Variants in GARRE1 observed in about 807,000 individuals in gnomAD.
GARRE1 encodes the protein granule associated Rac and RHOG effector 1.
Under a neutral mutation model 103.2 loss-of-function variants are expected in GARRE1, and 49 were observed. The ratio of observed to expected loss-of-function variants is 0.47; its 90% CI spans 0.38 to 0.60. The LOEUF is 0.60. Among genes scored for constraint, GARRE1 ranks in the 20% least tolerant of loss-of-function variants. The pLI is 0.00. For missense variants in GARRE1, 1,199 were observed against 1,370.5 expected, an observed-to-expected ratio of 0.87 and a Z score of 1.98; for synonymous variants, 505 against 532.8, an observed-to-expected ratio of 0.95 and a Z score of 0.72.
At chr19:34,330,063 C>T (rs893381392) in intron 6 of GARRE1, 126 bp from the exon 7 acceptor site, 8 of 873,174 alleles carry the variant, frequency 9.2e-6, no homozygotes, top group African/African-American at 5.1e-5. Flanking sequence ...GCAGCTTGGA[C>T]GATAGAAAAA....
rs999783410 is a variant in GARRE1 at position 34,353,469 on chromosome 19, G to A, written c.*514G>A. 2 of 156,056 alleles carry A rather than the reference G, an allele frequency of 1.3e-5. No homozygotes were observed. The highest frequency in any genetic ancestry group is 2.8e-5 in the Non-Finnish European group (2 of 70,648). The allele number at this position is 156,056 out of a possible 1,614,324, so 9.7% of individuals were successfully genotyped here. A position where few individuals can be genotyped will look rare whatever the true frequency, so the allele number is the denominator to read the frequency against. ...AGTTAAAACATCTCCTGCCTAAAATGCATTGAATATTTTAAGATAACAGAT... is the reference window on the plus strand; with the variant it reads ...AGTTAAAACATCTCCTGCCTAAAATACATTGAATATTTTAAGATAACAGAT... On this transcript the variant is annotated 3_prime_UTR_variant, in exon 14 of 14. Coordinates refer to ENST00000299505, the MANE Select transcript of GARRE1 (RefSeq NM_014686.5).
rs151176246 is a variant in GARRE1 at position 34,352,672 on chromosome 19, C to A, written c.2930C>A (p.Pro977His). The A allele has an allele frequency of 6.2e-7, 1 of 1,610,926 alleles. No individual in the cohort carries two copies. The highest frequency in any genetic ancestry group is 8.5e-7 in the Non-Finnish European group (1 of 1,177,414). Reference sequence around the variant, plus strand: ...GATAACAAAACCAAAACGTGGCCACCCAAAGCACCCTGGCAGCACCCTTCC... The same window carrying A: ...GATAACAAAACCAAAACGTGGCCACACAAAGCACCCTGGCAGCACCCTTCC... Reference protein sequence around the residue: ...NQDNKTKTWPPKAPWQHPSPL... With the variant: ...NQDNKTKTWPHKAPWQHPSPL... Residue 977 changes from proline (P) to histidine (H), a missense_variant, in exon 14 of 14, where the codon CCC becomes CAC. By Grantham distance (77) the Pro-to-His change is moderately conservative (BLOSUM62 -2). Coordinates refer to ENST00000299505, the MANE Select transcript of GARRE1 (RefSeq NM_014686.5).
At chr19:34,266,439 GC>G (rs1356235081) in intron 1 of GARRE1, among the ~76,000 whole-genome samples, 1 of 152,180 alleles carries the variant, frequency 6.6e-6, no homozygotes, top group Non-Finnish European at 1.5e-5. Context: ...TCGGCTCACT[GC>G]AACCTCTATC....
At chr19:34,307,546 CATATATATAAA>C (rs2074012672) in intron 2 of GARRE1, among the ~76,000 whole-genome samples, 10 of 148,004 alleles carry the variant, frequency 6.8e-5, no homozygotes, top group African/African-American at 2.5e-4. Flanking sequence ...ATATGCCAGA[CATATATATAAA>C]ATATGTATTT....
At chr19:34,293,764 T>C (rs995813996) in intron 1 of GARRE1, among the ~76,000 whole-genome samples, 1 of 109,086 alleles carries the variant, frequency 9.2e-6, no homozygotes, top group African/African-American at 4.9e-5. Flanking sequence ...TTTTTTTTTT[T>C]TTTTTTTTTT....
chr19:34,301,533 AAAAAAG>A (rs2073978919), intron 2 of GARRE1, among the ~76,000 whole-genome samples: 1 of 131,986 alleles, frequency 7.6e-6, no homozygotes, highest in African/African-American at 2.6e-5. Flanking sequence ...AAAAAAAAAA[AAAAAAG>A]AAAAATTATT....
intron 1 of GARRE1, among the ~76,000 whole-genome samples, chr19:34,295,582 T>G (rs2073942909): frequency 6.6e-6 from 1 of 152,090 alleles, no homozygotes; most frequent in Non-Finnish European, 1.5e-5. Context: ...CAGGCTAGAG[T>G]GCAGTGGTGT....
intron 2 of GARRE1, among the ~76,000 whole-genome samples, chr19:34,306,563 C>T (rs1329702860): frequency 6.6e-6 from 1 of 152,150 alleles, no homozygotes; most frequent in Admixed American, 6.5e-5. Flanking sequence ...TGCCCCTTAG[C>T]CCGAGTGGTT....
At chr19:34,271,771 G>T (rs2073789471) in intron 1 of GARRE1, among the ~76,000 whole-genome samples, 1 of 151,990 alleles carries the variant, frequency 6.6e-6, no homozygotes, top group African/African-American at 2.4e-5. Context: ...GGAGGTCAAA[G>T]CTGCAGTGAG....
intron 1 of GARRE1, among the ~76,000 whole-genome samples, chr19:34,289,676 A>G (rs891198267): frequency 6.6e-6 from 1 of 151,622 alleles, no homozygotes; most frequent in African/African-American, 2.4e-5. Context: ...GTGCGCCAAG[A>G]TCATGCCACT....
intron 2 of GARRE1, among the ~76,000 whole-genome samples, chr19:34,310,394 G>A (rs926037977): frequency 6.6e-6 from 1 of 152,206 alleles, no homozygotes; most frequent in African/African-American, 2.4e-5. Context: ...CCACTGCCTC[G>A]GGCCAGTGCA....
At chr19:34,349,237 C>A in intron 12 of GARRE1, 84 bp downstream of exon 12, 1 of 1,370,286 alleles carries the variant, frequency 7.3e-7, no homozygotes, top group Non-Finnish European at 1.0e-6. Context: ...AAGCCAGGAG[C>A]CCAGTCACCT....
chr19:34,301,011 A>G (rs775380576), intron 2 of GARRE1, 43 bp downstream of exon 2: 8 of 1,545,226 alleles, frequency 5.2e-6, no homozygotes, highest in East Asian at 2.3e-5. Context: ...AAAATATACT[A>G]CAAAGGTAAG....
intron 8 of GARRE1, among the ~76,000 whole-genome samples, chr19:34,334,481 C>T (rs1192141278): frequency 2.6e-5 from 4 of 151,912 alleles, no homozygotes; most frequent in Non-Finnish European, 5.9e-5. Context: ...GGCAGATCGC[C>T]TGAGGTCAGA....
At chr19:34,264,549 C>T (rs2073739795) in intron 1 of GARRE1, among the ~76,000 whole-genome samples, 1 of 152,142 alleles carries the variant, frequency 6.6e-6, no homozygotes, top group Non-Finnish European at 1.5e-5. Flanking sequence ...CAGGTGCCCG[C>T]CACCATGCCT....
chr19:34,352,363 C>CAG lies in GARRE1; in HGVS notation c.2905-284_2905-283insAG, dbSNP rs2074242548. ...GTTGCAGTGAGCCGAGATCGTACCA[C>CAG]TGCACTCCAGCCTGGGCGAGAGACA... On this transcript the variant is annotated intron_variant, in intron 13 of 13. Coordinates refer to ENST00000299505, the MANE Select transcript of GARRE1 (RefSeq NM_014686.5). 1.5e-4 allele frequency among the ~76,000 whole-genome samples: 22 copies of CAG among 148,036 alleles called. No homozygotes were observed. In the South Asian group the frequency reaches 4.8e-3, roughly 32 times the overall value.
At position 34,327,988 on chromosome 19, in the gene GARRE1, A is replaced by G. The variant is rs2074119707; in HGVS notation, c.943-2A>G. ...CTCCTCTTCCATCCATGCCTTTTCC[A>G]GGGCTGCTGCAGCGAGGCGGAAGCC... On this transcript the variant is annotated splice_acceptor_variant, in intron 5 of 13. Coordinates refer to ENST00000299505, the MANE Select transcript of GARRE1 (RefSeq NM_014686.5). LOFTEE classifies it high-confidence loss of function. The G allele has an allele frequency of 6.2e-7, 1 of 1,614,000 alleles. No homozygotes were observed. The highest frequency in any genetic ancestry group is 1.3e-5 in the African/African-American group (1 of 74,906).
At chr19:34,316,960 C>G (rs2074062821) in intron 2 of GARRE1, among the ~76,000 whole-genome samples, 1 of 152,214 alleles carries the variant, frequency 6.6e-6, no homozygotes, top group African/African-American at 2.4e-5. Flanking sequence ...GTTCTGCCCT[C>G]CTTACTGCCA....
chr19:34,285,709 G>A (rs1298052977), intron 1 of GARRE1, among the ~76,000 whole-genome samples: 1 of 151,874 alleles, frequency 6.6e-6, no homozygotes, highest in Non-Finnish European at 1.5e-5. Context: ...TGTTAGCTAG[G>A]ATGGTCTCGA....
Sources: gnomAD v4.1 joint callset for allele counts (sites outside exome capture counted in the v4.1 genomes callset) on GRCh38, gnomAD v4.1.1 for gene constraint, MANE v1.5 for transcripts, NCBI Gene and HGNC (gene_info 2026-07-23, HGNC 2026-07-21) for gene names.